The following HS6ST2 variants were observed in gnomAD, a reference collection of about 807,000 sequenced individuals.
The protein encoded by HS6ST2 is heparan-sulfate 6-O-sulfotransferase 2.
A neutral mutation model predicts 33.0 loss-of-function variants in HS6ST2; 17 were observed. That is an observed-to-expected ratio of 0.52 (90% CI 0.35 to 0.77). The LOEUF is 0.77. Among genes scored for constraint, HS6ST2 ranks in the 30% least tolerant of loss-of-function variants. The probability of loss-of-function intolerance (pLI) is 0.01; values close to 1 mark genes in which losing one functional copy is unlikely to be tolerated. For missense variants in HS6ST2, 519 were observed against 551.7 expected, an observed-to-expected ratio of 0.94 and a Z score of 0.59; for synonymous variants, 248 against 237.1, an observed-to-expected ratio of 1.05 and a Z score of -0.42.
At position 132,658,585 on chromosome X, in the gene HS6ST2, G is replaced by GT. The variant is rs762702689; in HGVS notation, c.1067+10527dup. ...TAGGATTTAGAGTTAAAAGGGCCCT[G>GT]TTTTGAATCATGGTTCTACCACTTA... On this transcript the variant is annotated intron_variant, in intron 4 of 4. Coordinates refer to ENST00000370833, the MANE Select transcript of HS6ST2 (RefSeq NM_001394073.1). Among the ~76,000 whole-genome samples the GT allele has an allele frequency of 2.3e-4, 26 of 111,982 alleles. No individual in the cohort carries two copies. In the South Asian group the frequency reaches 9.6e-3, roughly 41 times the overall value.
chrX:132,754,324 T>C (rs2064736484), intron 2 of HS6ST2, among the ~76,000 whole-genome samples: 2 of 111,286 alleles, frequency 1.8e-5, no homozygotes, highest in Non-Finnish European at 1.9e-5. Flanking sequence ...GCATGATTTA[T>C]GATTGGTGAT....
At chrX:132,837,332 CGTGTGT>C (rs10592129) in intron 2 of HS6ST2, among the ~76,000 whole-genome samples, 12 of 103,075 alleles carry the variant, frequency 1.2e-4, no homozygotes, top group Non-Finnish European at 7.9e-5. Context: ...ACAGTATAGC[CGTGTGT>C]GTGTGTGTGT....
At chrX:132,888,416 C>T (rs2066274111) in intron 2 of HS6ST2, among the ~76,000 whole-genome samples, 1 of 111,725 alleles carries the variant, frequency 9.0e-6, no homozygotes, top group Admixed American at 9.5e-5. Context: ...ACAAGAAATA[C>T]CCGCCCCCAT....
Position 132,958,465 on chromosome X carries a change from G to A in HS6ST2, c.138C>T (p.Val46=). 4 of 1,197,826 alleles carry A rather than the reference G, an allele frequency of 3.3e-6. No homozygotes were observed. The highest frequency in any genetic ancestry group is 4.5e-6 in the Non-Finnish European group (4 of 890,412). ...GAGGGCCCGCGCGAACTGAGGCGGC[G>A]ACCGACCCGGGCCGGCTCGCTGCCA... ...AELAASRPGS[V]AASVRAGPPR... The change falls in exon 1 of 5, where the codon GTC becomes GTT. Residue 46 remains valine (V), a synonymous_variant. Coordinates refer to ENST00000370833, the MANE Select transcript of HS6ST2 (RefSeq NM_001394073.1).
Position 132,908,389 on chromosome X carries a change from T to C in HS6ST2, c.947+48419A>G, listed in dbSNP as rs1249022019. On this transcript the variant is annotated intron_variant, in intron 2 of 4. Transcript: ENST00000370833. ...AATGATTAAACACAGAGTTATCACA[T>C]GACCCAGCAATTCTACTCCATGAGA... Among the ~76,000 whole-genome samples the C allele has an allele frequency of 2.7e-5, 3 of 112,443 alleles. 1 individual carries two copies. The Admixed American group carries it at 2.8e-4, about 11-fold the overall frequency.
chrX:132,741,746 C>G (rs188885089), intron 2 of HS6ST2, among the ~76,000 whole-genome samples: 79 of 111,650 alleles, frequency 7.1e-4, no homozygotes, highest in African/African-American at 2.1e-3. Context: ...GATACTGCCA[C>G]TGTTGTTATT....
chrX:132,864,988 T>C (rs1284709697), intron 2 of HS6ST2, among the ~76,000 whole-genome samples: 2 of 110,871 alleles, frequency 1.8e-5, no homozygotes, highest in Non-Finnish European at 3.8e-5. Context: ...TTTTTTATTA[T>C]TATTATACTT....
At chrX:132,814,178 T>G (rs1209654243) in intron 2 of HS6ST2, among the ~76,000 whole-genome samples, 3 of 111,851 alleles carry the variant, frequency 2.7e-5, no homozygotes, top group Admixed American at 1.9e-4. Flanking sequence ...ACTCCTGACC[T>G]TGTGATCCAC....
chrX:132,947,739 G>A (rs2066972124), intron 2 of HS6ST2, among the ~76,000 whole-genome samples: 1 of 111,656 alleles, frequency 9.0e-6, no homozygotes, highest in African/African-American at 3.3e-5. Flanking sequence ...TAACTGGTGA[G>A]TTTAGTCAAC....
intron 2 of HS6ST2, among the ~76,000 whole-genome samples, chrX:132,842,577 C>T (rs897580223): frequency 2.7e-5 from 3 of 111,686 alleles, no homozygotes; most frequent in African/African-American, 9.8e-5. Flanking sequence ...TGCTTCCAGG[C>T]TGGCCTGTTC....
intron 2 of HS6ST2, among the ~76,000 whole-genome samples, chrX:132,887,387 G>A (rs1360861063): frequency 8.9e-6 from 1 of 111,860 alleles, no homozygotes; most frequent in African/African-American, 3.2e-5. Context: ...ATCTGTGAAT[G>A]TTTAATAAGT....
intron 2 of HS6ST2, among the ~76,000 whole-genome samples, chrX:132,875,563 C>A (rs749088858): frequency 8.9e-6 from 1 of 112,270 alleles, no homozygotes; most frequent in South Asian, 3.7e-4. Context: ...GTCAGCAGAG[C>A]CAAGGTGTCT....
chrX:132,929,633 A>G (rs1027492763), intron 2 of HS6ST2, among the ~76,000 whole-genome samples: 1 of 112,062 alleles, frequency 8.9e-6, no homozygotes, highest in African/African-American at 3.2e-5. Context: ...ACATTACATA[A>G]TGATAAAAGG....
intron 2 of HS6ST2, among the ~76,000 whole-genome samples, chrX:132,897,078 G>T (rs887966270): frequency 7.2e-5 from 8 of 111,526 alleles, no homozygotes; most frequent in African/African-American, 2.6e-4. Flanking sequence ...CAGTGATTAA[G>T]GTCTAATCAG....
intron 2 of HS6ST2, among the ~76,000 whole-genome samples, chrX:132,751,551 A>T (rs1056080331): frequency 1.8e-5 from 2 of 112,079 alleles, no homozygotes; most frequent in Non-Finnish European, 3.8e-5. Context: ...GGGAGGAAGG[A>T]GGAGCAAGAC....
intron 2 of HS6ST2, among the ~76,000 whole-genome samples, chrX:132,923,802 C>T (rs936220576): frequency 1.8e-5 from 2 of 110,552 alleles, no homozygotes; most frequent in Non-Finnish European, 3.8e-5. Context: ...AGGAATAGTG[C>T]CATACACCAC....
chrX:132,823,636 A>G (rs1339792329), intron 2 of HS6ST2, among the ~76,000 whole-genome samples: 6 of 104,449 alleles, frequency 5.7e-5, no homozygotes, highest in Non-Finnish European at 9.7e-5. Context: ...CTGGTGGATC[A>G]CTTGAGGTTG....
Position 132,958,532 on chromosome X carries a change from C to A in HS6ST2, c.71G>T (p.Arg24Leu), listed in dbSNP as rs752027905. ...PRQPERGAPV[R>L]TTCPRRHSRV... ...GGAATGCCGGCGGGGACAGGTGGTG[C>A]GGACGGGCGCTCCTCGCTCCGGTTG... The change falls in exon 1 of 5, where the codon CGC becomes CTC. Residue 24 changes from arginine (R) to leucine (L), a missense_variant. Arg to Leu is a moderately radical substitution (Grantham distance 102). Coordinates refer to ENST00000370833, the MANE Select transcript of HS6ST2 (RefSeq NM_001394073.1). 25 of 1,182,036 alleles carry A rather than the reference C, an allele frequency of 2.1e-5. No homozygotes were observed. In the East Asian group the frequency reaches 7.8e-4, roughly 37 times the overall value.
intron 3 of HS6ST2, among the ~76,000 whole-genome samples, chrX:132,671,608 G>A (rs144540760): frequency 0.01 from 1,107 of 109,740 alleles, 17 homozygotes; most frequent in African/African-American, 0.034. Flanking sequence ...AGCTGGCAGC[G>A]GCAGCCTCAT....
Sources: allele counts gnomAD v4.1 joint callset (sites outside exome capture counted in the v4.1 genomes callset), GRCh38; gene constraint gnomAD v4.1.1; transcripts MANE v1.5; gene names NCBI Gene and HGNC (gene_info 2026-07-23, HGNC 2026-07-21).